The following TRPM7 variants were observed in gnomAD, a reference collection of about 807,000 sequenced individuals.
The protein encoded by TRPM7 is transient receptor potential cation channel subfamily M member 7, also known as LTRPC ion channel family member 7.
Under a neutral mutation model 229.7 loss-of-function variants are expected in TRPM7, and 134 were observed. That is an observed-to-expected ratio of 0.58 (90% CI 0.51 to 0.67). The LOEUF is 0.67. Ranked by LOEUF, TRPM7 falls within the 30% of genes least tolerant of loss-of-function variation. TRPM7 has a pLI of 0.00. For synonymous variants in TRPM7, 699 were observed against 715.2 expected (o/e 0.98, Z 0.36); for missense variants, 1,901 against 2,210.0 (o/e 0.86, Z 2.80).
At chr15:50,571,807 T>A (rs2053904080) in intron 36 of TRPM7, among the ~76,000 whole-genome samples, 1 of 152,206 alleles carries the variant, frequency 6.6e-6, no homozygotes, top group Non-Finnish European at 1.5e-5. Context: ...TGAGATGGAA[T>A]CTACTCGGTG....
At chr15:50,614,625 A>G (rs2060164760) in intron 13 of TRPM7, among the ~76,000 whole-genome samples, 1 of 146,210 alleles carries the variant, frequency 6.8e-6, no homozygotes, top group African/African-American at 2.6e-5. Context: ...AGATCGTGCC[A>G]CTGCACTCCA....
chr15:50,654,988 G>A (rs1472744150), intron 3 of TRPM7, among the ~76,000 whole-genome samples: 2 of 119,422 alleles, frequency 1.7e-5, no homozygotes, highest in East Asian at 5.3e-4. Context: ...GCGACAGAGT[G>A]ACACTCCGTC....
chr15:50,580,568 A>C (rs1447199434), intron 30 of TRPM7, among the ~76,000 whole-genome samples: 1 of 152,250 alleles, frequency 6.6e-6, no homozygotes, highest in East Asian at 1.9e-4. Flanking sequence ...GTCTCTCAAC[A>C]AATTTATTCA....
intron 1 of TRPM7, among the ~76,000 whole-genome samples, chr15:50,669,586 A>T (rs933957818): frequency 6.6e-6 from 1 of 152,228 alleles, no homozygotes; most frequent in African/African-American, 2.4e-5. Context: ...GCCAAGTATA[A>T]CAAAGCAAAT....
At chr15:50,562,179 A>G (rs996759297) in intron 38 of TRPM7, among the ~76,000 whole-genome samples, 1 of 151,998 alleles carries the variant, frequency 6.6e-6, no homozygotes, top group Non-Finnish European at 1.5e-5. Context: ...TATAGGTGTG[A>G]GCCACCATGC....
chr15:50,674,806 T>C (rs533973311), intron 1 of TRPM7, among the ~76,000 whole-genome samples: 1 of 152,318 alleles, frequency 6.6e-6, no homozygotes, highest in South Asian at 2.1e-4. Context: ...TATTCTTGGA[T>C]AATGGGTTTG....
intron 1 of TRPM7, among the ~76,000 whole-genome samples, chr15:50,679,466 TATTTC>T (rs1230905305): frequency 2.9e-5 from 4 of 139,988 alleles, no homozygotes; most frequent in African/African-American, 5.7e-5. Flanking sequence ...CTACAGGTTT[TATTTC>T]ATTTATATAT....
At chr15:50,614,435 C>T (rs1237561794) in intron 13 of TRPM7, among the ~76,000 whole-genome samples, 172 bp from the exon 14 acceptor site, 3 of 152,126 alleles carry the variant, frequency 2.0e-5, no homozygotes, top group Non-Finnish European at 4.4e-5. Flanking sequence ...GAGGCCAAGG[C>T]GGGTGCATCA....
chr15:50,598,778 GA>G (rs2059698078), intron 22 of TRPM7, among the ~76,000 whole-genome samples: 1 of 152,200 alleles, frequency 6.6e-6, no homozygotes, highest in African/African-American at 2.4e-5. Flanking sequence ...GAAACTTATA[GA>G]GTTGGCAGCC....
intron 2 of TRPM7, among the ~76,000 whole-genome samples, chr15:50,659,187 C>T (rs569979724): frequency 2.8e-5 from 4 of 144,418 alleles, no homozygotes; most frequent in East Asian, 2.0e-4. Flanking sequence ...AGCGAGACTC[C>T]GTCTCAAAAA....
At chr15:50,631,687 C>A (rs2060738203) in intron 9 of TRPM7, among the ~76,000 whole-genome samples, 198 bp from the exon 10 acceptor site, 1 of 151,704 alleles carries the variant, frequency 6.6e-6, no homozygotes. Context: ...AACCAAAAAA[C>A]CAAAAAATTT....
intron 5 of TRPM7, among the ~76,000 whole-genome samples, chr15:50,640,162 C>T (rs1017377146): frequency 6.6e-6 from 1 of 151,990 alleles, no homozygotes; most frequent in Non-Finnish European, 1.5e-5. Context: ...GGACCATACG[C>T]AAAACACACA....
chr15:50,659,006 G>A (rs2061658857), intron 2 of TRPM7, among the ~76,000 whole-genome samples: 2 of 152,100 alleles, frequency 1.3e-5, no homozygotes, highest in South Asian at 4.1e-4. Context: ...AGACCATCCT[G>A]GCTAACGCAG....
chr15:50,607,245 A>C lies in TRPM7; in HGVS notation c.2664T>G (p.Ile888Met). Residue 888 changes from isoleucine (I) to methionine (M), a missense_variant, in exon 20 of 39, where the codon ATT (isoleucine) becomes ATG (methionine). This residue lies in a region of TRPM7 where 207 missense variants were observed against 241.5 expected (regional missense o/e 0.86). Transcript: ENST00000646667. The stretch of plus-strand genomic sequence containing the variant: ...CATAAGTAAAAATATAAGCAATAAC[A>C]ATCCATTCTTGAACTGAAGGTAACT... ...MEQLPSVQEW[I>M]VIAYIFTYAI... 1 of 1,611,688 alleles carries C rather than the reference A, an allele frequency of 6.2e-7. No homozygotes were observed. The highest frequency in any genetic ancestry group is 8.5e-7 in the Non-Finnish European group (1 of 1,178,860).
intron 4 of TRPM7, among the ~76,000 whole-genome samples, chr15:50,643,807 T>C (rs1387383821): frequency 6.6e-6 from 1 of 152,214 alleles, no homozygotes; most frequent in African/African-American, 2.4e-5. Context: ...TTACTCTTTC[T>C]GTTTAAACTC....
chr15:50,615,163 CAAAA>C lies in TRPM7; in HGVS notation c.1495-904_1495-901del, dbSNP rs71124383. On this transcript the variant is annotated intron_variant, in intron 13 of 38. Coordinates refer to ENST00000646667, the MANE Select transcript of TRPM7 (RefSeq NM_017672.6). ...GAGCGACAAGAGCGAGACTTTGTCT[CAAAA>C]AAAAAAAAAAAAAAAAAAAAAAAGA... Among the ~76,000 whole-genome samples the C allele has an allele frequency of 8.8e-4, 83 of 94,528 alleles. 1 individual carries two copies. The highest frequency in any genetic ancestry group is 3.3e-3 in the African/African-American group (76 of 22,724). 62.0% of individuals were successfully genotyped at this position (94,528 alleles called of 152,430 possible).
chr15:50,613,913 T>TTATA, intron 14 of TRPM7, 72 bp from the exon 15 acceptor site: 1 of 1,540,982 alleles, frequency 6.5e-7, no homozygotes, highest in South Asian at 1.2e-5. Flanking sequence ...AAGAATCAAT[T>TTATA]TATATATGTG....
At chr15:50,659,067 A>G (rs1320112565) in intron 2 of TRPM7, among the ~76,000 whole-genome samples, 1 of 151,932 alleles carries the variant, frequency 6.6e-6, no homozygotes, top group Non-Finnish European at 1.5e-5. Flanking sequence ...ATGTGGTGGC[A>G]CACGCCTGTA....
At chr15:50,614,418 A>G (rs928781914) in intron 13 of TRPM7, among the ~76,000 whole-genome samples, 155 bp from the exon 14 acceptor site, 10 of 152,198 alleles carry the variant, frequency 6.6e-5, no homozygotes, top group African/African-American at 2.4e-4. Context: ...TAATCCCAAC[A>G]TTTTGGGAGG....
Sources: gnomAD v4.1 joint callset for allele counts (sites outside exome capture counted in the v4.1 genomes callset) on GRCh38, gnomAD v4.1.1 for gene constraint, gnomAD v4.1.1 regional missense constraint, MANE v1.5 for transcripts, NCBI Gene and HGNC (gene_info 2026-07-23, HGNC 2026-07-21) for gene names.